Variants in BCAS1 observed in about 807,000 individuals in gnomAD.
The protein encoded by BCAS1 is brain enriched myelin associated protein 1.
Under a neutral mutation model 65.4 loss-of-function variants are expected in BCAS1, and 46 were observed. The observed-to-expected ratio is 0.70, with a 90% CI of 0.55 to 0.90. The LOEUF is 0.90. Among genes scored for constraint, BCAS1 ranks in the 40% least tolerant of loss-of-function variants. The pLI is 0.00. For missense variants in BCAS1, 793 were observed against 771.2 expected, an observed-to-expected ratio of 1.03 and a Z score of -0.33; for synonymous variants, 298 against 293.5, an observed-to-expected ratio of 1.02 and a Z score of -0.16.
chr20:53,966,757 G>A (rs1668398527), intron 10 of BCAS1, 149 bp downstream of exon 10: 1 of 695,412 alleles, frequency 1.4e-6, no homozygotes, highest in Non-Finnish European at 2.3e-6. Context: ...GGAAGAAAGG[G>A]AATTTTCTCA....
In BCAS1 at chr20:54,028,671, C is replaced by T. The variant is rs1297825293; in HGVS notation, c.444G>A (p.Gln148=). ...WTLPVAAGPG[Q]DTDKTPGHAP... is the part of the protein sequence containing the mutation. ...CGTGCCCTGGGGTTTTATCTGTGTC[C>T]TGCCCCGGTCCAGCTGCCACCGGAA... The change falls in exon 4 of 13, where the codon CAG becomes CAA. Residue 148 remains glutamine, a synonymous_variant. Coordinates refer to ENST00000688948, the MANE Select transcript of BCAS1 (RefSeq NM_001366298.2). 2 of 1,614,032 alleles carry T rather than the reference C, an allele frequency of 1.2e-6. No individual in the cohort carries two copies. Among genetic ancestry groups the T allele is most frequent in the African/African-American group, 1.3e-5 (1 of 74,904 alleles).
chr20:53,947,503 C>T (rs1311975356), intron 12 of BCAS1, among the ~76,000 whole-genome samples: 1 of 152,126 alleles, frequency 6.6e-6, no homozygotes, highest in Non-Finnish European at 1.5e-5. Flanking sequence ...GACCTCTGGC[C>T]GGTCCCTCAC....
At chr20:54,026,981 C>A (rs547612437) in intron 4 of BCAS1, among the ~76,000 whole-genome samples, 160 of 152,330 alleles carry the variant, frequency 1.1e-3, no homozygotes, top group African/African-American at 3.5e-3. Context: ...CACTGTGGTC[C>A]CTGTGCCTCA....
intron 1 of BCAS1, among the ~76,000 whole-genome samples, chr20:54,061,004 TATA>T (rs2092370302): frequency 6.6e-6 from 1 of 152,176 alleles, no homozygotes; most frequent in African/African-American, 2.4e-5. Flanking sequence ...ATGTATGATA[TATA>T]ATAATAATGA....
In BCAS1 at chr20:53,985,321, G is replaced by T; in HGVS notation, c.1241C>A (p.Thr414Asn). 1 of 1,613,860 alleles carries T rather than the reference G, an allele frequency of 6.2e-7. No homozygotes were observed. Among genetic ancestry groups the T allele is most frequent in the Non-Finnish European group, 8.5e-7 (1 of 1,179,956 alleles). ...AAACAGTTTGCCCAGAGGCAGAGAG[G>T]TGGGTCCTGATTTCTCCTTGGTGCC... Reference protein sequence around the residue: ...KEGTKEKSGPTSLPLGKLFWK... With the variant: ...KEGTKEKSGPNSLPLGKLFWK... The change falls in exon 8 of 13, where the codon ACC becomes AAC. Residue 414 changes from threonine (T) to asparagine (N), a missense_variant. Coordinates refer to ENST00000688948, the MANE Select transcript of BCAS1 (RefSeq NM_001366298.2).
chr20:53,998,183 T>G (rs1209754826), intron 4 of BCAS1, among the ~76,000 whole-genome samples: 1 of 152,114 alleles, frequency 6.6e-6, no homozygotes, highest in Admixed American at 6.5e-5. Context: ...TCCTCTGGGG[T>G]TGGCAGTGTC....
At chr20:53,966,883 T>C (rs2090043444) in intron 10 of BCAS1, 23 bp downstream of exon 10, 2 of 1,584,174 alleles carry the variant, frequency 1.3e-6, no homozygotes, top group Non-Finnish European at 8.6e-7. Flanking sequence ...TTAGGTTTCC[T>C]ATACTGGAAG....
chr20:54,059,916 CT>C (rs2092355817), intron 1 of BCAS1, among the ~76,000 whole-genome samples: 1 of 152,204 alleles, frequency 6.6e-6, no homozygotes, highest in Non-Finnish European at 1.5e-5. Flanking sequence ...TTGAGCACAG[CT>C]CTGCACCTGT....
At chr20:53,966,474 A>C (rs546333733) in intron 10 of BCAS1, among the ~76,000 whole-genome samples, 1 of 152,280 alleles carries the variant, frequency 6.6e-6, no homozygotes, top group Non-Finnish European at 1.5e-5. Flanking sequence ...TTGGGGACTC[A>C]GGGGAGAAGG....
intron 8 of BCAS1, among the ~76,000 whole-genome samples, chr20:53,984,311 C>G (rs1356378858): frequency 1.3e-5 from 2 of 152,158 alleles, no homozygotes; most frequent in Non-Finnish European, 2.9e-5. Context: ...AAAAGGATTA[C>G]AACAGAATGT....
chr20:53,997,259 A>G (rs2090941827), intron 4 of BCAS1, among the ~76,000 whole-genome samples: 1 of 152,266 alleles, frequency 6.6e-6, no homozygotes, highest in South Asian at 2.1e-4. Context: ...CTCAAGTACC[A>G]AGGACAGCGA....
chr20:53,958,435 GC>G (rs2089771494), intron 10 of BCAS1, among the ~76,000 whole-genome samples: 1 of 152,190 alleles, frequency 6.6e-6, no homozygotes, highest in Non-Finnish European at 1.5e-5. Flanking sequence ...AGTATAGAGA[GC>G]AGGGTTTCAG....
At chr20:53,954,755 G>C (rs1014272280) in intron 11 of BCAS1, among the ~76,000 whole-genome samples, 1 of 152,136 alleles carries the variant, frequency 6.6e-6, no homozygotes, top group African/African-American at 2.4e-5. Flanking sequence ...TCCAGTATAA[G>C]AAAAGCACCA....
intron 10 of BCAS1, 22 bp downstream of exon 10, chr20:53,966,884 A>G (rs751214639): frequency 1.3e-6 from 2 of 1,588,116 alleles, no homozygotes; most frequent in South Asian, 1.2e-5. Flanking sequence ...TAGGTTTCCT[A>G]TACTGGAAGT....
At chr20:54,062,843 A>G (rs1167202689) in intron 1 of BCAS1, among the ~76,000 whole-genome samples, 1 of 152,238 alleles carries the variant, frequency 6.6e-6, no homozygotes, top group African/African-American at 2.4e-5. Context: ...ACCAGCAGAT[A>G]TAATGCATGT....
Position 53,944,761 on chromosome 20 carries a change from A to G in BCAS1, c.*161T>C. The G allele has an allele frequency of 1.4e-6, 1 of 716,756 alleles. No individual in the cohort carries two copies. The allele number at this position is 716,756 out of a possible 1,614,324, so 44.4% of individuals were successfully genotyped here. Reference sequence around the variant, plus strand: ...AAAAGACTGGACCAGAGACGTAAATAATACACCTCAATATACAACAGCTCG... The same window carrying G: ...AAAAGACTGGACCAGAGACGTAAATGATACACCTCAATATACAACAGCTCG... On this transcript the variant is annotated 3_prime_UTR_variant, in exon 13 of 13. Coordinates refer to ENST00000688948, the MANE Select transcript of BCAS1 (RefSeq NM_001366298.2).
At chr20:53,951,146 T>C (rs1321774926) in intron 12 of BCAS1, among the ~76,000 whole-genome samples, 1 of 152,232 alleles carries the variant, frequency 6.6e-6, no homozygotes, top group Non-Finnish European at 1.5e-5. Flanking sequence ...GTGGTGTTCA[T>C]TTTAAATGAA....
At chr20:53,984,733 G>C (rs866766542) in intron 8 of BCAS1, among the ~76,000 whole-genome samples, 2 of 152,220 alleles carry the variant, frequency 1.3e-5, no homozygotes, top group Non-Finnish European at 2.9e-5. Context: ...GCACCACTCA[G>C]ACCTCAGATG....
chr20:54,062,476 A>G (rs2092387858), intron 1 of BCAS1, among the ~76,000 whole-genome samples: 1 of 152,256 alleles, frequency 6.6e-6, no homozygotes, highest in African/African-American at 2.4e-5. Flanking sequence ...ATGCAAGAAT[A>G]TATACACACA....
Sources: allele counts gnomAD v4.1 joint callset (sites outside exome capture counted in the v4.1 genomes callset), GRCh38; gene constraint gnomAD v4.1.1; transcripts MANE v1.5; gene names NCBI Gene and HGNC (gene_info 2026-07-23, HGNC 2026-07-21).